CLASP1: variants seen among roughly 807,000 people sequenced by gnomAD.
The protein encoded by CLASP1 is cytoplasmic linker associated protein 1.
Under a neutral mutation model 192.3 loss-of-function variants are expected in CLASP1, and 38 were observed. The observed-to-expected ratio is 0.20, with a 90% CI of 0.15 to 0.26. The LOEUF is 0.26. Among genes scored for constraint, CLASP1 ranks in the 10% least tolerant of loss-of-function variants. CLASP1 has a pLI of 1.00. For synonymous variants in CLASP1, 691 were observed against 712.8 expected (o/e 0.97, Z 0.49); for missense variants, 1,433 against 1,932.5 (o/e 0.74, Z 4.85).
In CLASP1 at chr2:121,404,501, C is replaced by G. The variant is rs930016378; in HGVS notation, c.2670-67G>C. On this transcript the variant is annotated intron_variant, in intron 25 of 39. Transcript: ENST00000263710. ...ATTATTTTTGAGACAGGGTCTCACT[C>G]TATTACCCAGGCTAGAGTGCAGTGG... 2.9e-6 allele frequency: 4 copies of G among 1,380,576 alleles called. No homozygotes were observed. The East Asian group carries it at 9.9e-5, about 34-fold the overall frequency. 85.5% of individuals were successfully genotyped at this position (1,380,576 alleles called of 1,614,324 possible).
chr2:121,363,013 G>C (rs534901294), intron 37 of CLASP1, among the ~76,000 whole-genome samples, 159 bp downstream of exon 38: 84 of 152,334 alleles, frequency 5.5e-4, no homozygotes, highest in Middle Eastern at 6.8e-3. Flanking sequence ...TGCTCAGCAA[G>C]GACGACAGCA....
chr2:121,610,210 C>T (rs1216478640), intron 1 of CLASP1, among the ~76,000 whole-genome samples: 1 of 151,244 alleles, frequency 6.6e-6, no homozygotes, highest in Non-Finnish European at 1.5e-5. Context: ...GGAAGAGGAG[C>T]TGGAGGAGAA....
Position 121,530,889 on chromosome 2 carries a change from TTTC to T in CLASP1, c.196-567_196-565del, listed in dbSNP as rs1559533185. ...AGGGACTTTCTATTATAACCATCCT[TTTC>T]TTGGGGTTGCGCTACTGTCCAATGA... On this transcript the variant is annotated intron_variant, in intron 2 of 39. Transcript: ENST00000263710. 7.2e-6 allele frequency: 5 copies of T among 693,524 alleles called. No homozygotes were observed. The highest frequency in any genetic ancestry group is 1.3e-5 in the Non-Finnish European group (5 of 379,420). 43.0% of individuals were successfully genotyped at this position (693,524 alleles called of 1,614,324 possible).
rs1309290275 is a variant in CLASP1, at chr2:121,355,121, T to C, written c.4207-6403A>G. On this transcript the variant is annotated intron_variant, in intron 37 of 39. Coordinates refer to ENST00000263710, the Ensembl canonical transcript of CLASP1. ...AAATCCAGGAATTCTGGATGTGGCC[T>C]GCATGAAGCATTTGGTGAAATGTAT... Among the ~76,000 whole-genome samples, 3 of 152,174 alleles carry C rather than the reference T, an allele frequency of 2.0e-5. No homozygotes were observed. The East Asian group carries it at 5.8e-4, about 29-fold the overall frequency.
chr2:121,565,049 C>T (rs2059387774), intron 2 of CLASP1, among the ~76,000 whole-genome samples: 1 of 152,190 alleles, frequency 6.6e-6, no homozygotes, highest in South Asian at 2.1e-4. Context: ...GGCCCCTGCA[C>T]AGAGGCTCAA....
At chr2:121,420,022 G>T (rs76644760) in intron 22 of CLASP1, among the ~76,000 whole-genome samples, 1 of 151,940 alleles carries the variant, frequency 6.6e-6, no homozygotes, top group Non-Finnish European at 1.5e-5. Flanking sequence ...AAAAGAATAC[G>T]AAAGGGAAAA....
intron 3 of CLASP1, 130 bp from the exon 4 acceptor site, chr2:121,528,910 T>A: frequency 1.4e-6 from 1 of 715,098 alleles, no homozygotes; most frequent in Non-Finnish European, 2.4e-6. Flanking sequence ...CTAAAACCAC[T>A]CATCTTTGCT....
At chr2:121,373,471 T>C (rs1166669243) in intron 34 of CLASP1, among the ~76,000 whole-genome samples, 2 of 152,010 alleles carry the variant, frequency 1.3e-5, no homozygotes, top group Non-Finnish European at 2.9e-5. Context: ...TGCCTGAAAA[T>C]GTGGAAGCAA....
At chr2:121,504,559 T>C (rs867162415) in intron 7 of CLASP1, among the ~76,000 whole-genome samples, 1 of 152,210 alleles carries the variant, frequency 6.6e-6, no homozygotes, top group East Asian at 1.9e-4. Context: ...TGGAAAACTG[T>C]AGGTATTCAC....
At chr2:121,414,961 T>G (rs1263252644) in intron 23 of CLASP1, among the ~76,000 whole-genome samples, 2 of 152,130 alleles carry the variant, frequency 1.3e-5, no homozygotes, top group Non-Finnish European at 2.9e-5. Flanking sequence ...TGTTTTTTTT[T>G]GTAGAGACGA....
chr2:121,534,500 T>A (rs1391053141), intron 2 of CLASP1, among the ~76,000 whole-genome samples: 2 of 152,182 alleles, frequency 1.3e-5, no homozygotes, highest in African/African-American at 2.4e-5. Context: ...AATAATCTAG[T>A]CCTCGGATTA....
At chr2:121,517,801 C>T (rs2094343662) in intron 6 of CLASP1, among the ~76,000 whole-genome samples, 1 of 138,622 alleles carries the variant, frequency 7.2e-6, no homozygotes, top group South Asian at 2.4e-4. Context: ...TTGGAGGCTG[C>T]AGTGAGCTAT....
chr2:121,633,218 T>C (rs2070141498), intron 1 of CLASP1, among the ~76,000 whole-genome samples: 1 of 151,990 alleles, frequency 6.6e-6, no homozygotes, highest in South Asian at 2.1e-4. Context: ...TCTACACAAT[T>C]TAAGCAAGAT....
At chr2:121,424,507 A>G (rs917883460) in intron 22 of CLASP1, among the ~76,000 whole-genome samples, 10 of 152,220 alleles carry the variant, frequency 6.6e-5, no homozygotes, top group African/African-American at 1.9e-4. Context: ...TATATTTAAA[A>G]AGTTAGCGTA....
chr2:121,360,460 C>T (rs543918443), intron 37 of CLASP1, among the ~76,000 whole-genome samples: 7 of 152,084 alleles, frequency 4.6e-5, no homozygotes, highest in African/African-American at 1.4e-4. Context: ...AGAACTATTA[C>T]GTGCCATATT....
intron 1 of CLASP1, among the ~76,000 whole-genome samples, chr2:121,631,355 T>C (rs963888016): frequency 6.7e-6 from 1 of 148,916 alleles, no homozygotes; most frequent in Non-Finnish European, 1.5e-5. Context: ...TGGTACGATC[T>C]TGGCTCACTG....
intron 37 of CLASP1, among the ~76,000 whole-genome samples, chr2:121,355,169 G>C (rs1018578518): frequency 6.6e-6 from 1 of 152,126 alleles, no homozygotes; most frequent in East Asian, 1.9e-4. Flanking sequence ...TTTATTTTGA[G>C]ACAGAGTCTT....
chr2:121,358,842 CCACG>C (rs1293262994), intron 37 of CLASP1, among the ~76,000 whole-genome samples: 2 of 152,212 alleles, frequency 1.3e-5, no homozygotes, highest in African/African-American at 2.4e-5. Flanking sequence ...GCCTTAAACA[CCACG>C]ACCTTTGTGT....
At chr2:121,496,437 G>A (rs1486351710) in intron 8 of CLASP1, among the ~76,000 whole-genome samples, 6 of 152,122 alleles carry the variant, frequency 3.9e-5, no homozygotes, top group Non-Finnish European at 7.4e-5. Flanking sequence ...TTCTCTGTCA[G>A]CTCCAGCTCA....
Sources: allele counts gnomAD v4.1 joint callset (sites outside exome capture counted in the v4.1 genomes callset), GRCh38; gene constraint gnomAD v4.1.1; transcripts MANE v1.5; gene names NCBI Gene and HGNC (gene_info 2026-07-23, HGNC 2026-07-21).